INSL6: variants seen among roughly 807,000 people sequenced by gnomAD.
INSL6 encodes insulin-like peptide INSL6.
Under a neutral mutation model 9.4 loss-of-function variants are expected in INSL6, and 16 were observed. The observed-to-expected ratio is 1.70, with a 90% CI of 1.15 to 2.59. The LOEUF is 2.59. INSL6 is among the 30% of genes most tolerant of loss of function. The pLI, the probability that INSL6 is intolerant of heterozygous loss-of-function variation, is 0.00. For synonymous variants in INSL6, 154 were observed against 96.9 expected (o/e 1.59, Z -3.46); for missense variants, 391 against 257.3 (o/e 1.52, Z -3.56).
chr9:5,046,548 A>C, the INSL6 span, among the ~76,000 whole-genome samples: 97,201 of 151,954 alleles, frequency 0.64, 33,146 homozygotes, highest in African/African-American at 0.89. Context: ...ACATTTAGGC[A>C]TTGGGTCCAT....
intron 2 of INSL6, among the ~76,000 whole-genome samples, chr9:5,138,322 G>A (rs1027429963): frequency 5.3e-5 from 8 of 152,132 alleles, no homozygotes; most frequent in Non-Finnish European, 1.2e-4. Flanking sequence ...GCAAAGACTT[G>A]GAACCAACCC....
the INSL6 span, among the ~76,000 whole-genome samples, chr9:5,064,020 T>A: frequency 1.3e-5 from 2 of 151,928 alleles, no homozygotes; most frequent in South Asian, 2.1e-4. Context: ...GCCGGGCGTC[T>A]TGGCGTGTGC....
At chr9:5,065,762 T>C in the INSL6 span, among the ~76,000 whole-genome samples, 1 of 152,196 alleles carries the variant, frequency 6.6e-6, no homozygotes, top group Non-Finnish European at 1.5e-5. Flanking sequence ...ATGTGGTTTA[T>C]GTTGACAACA....
intron 1 of INSL6, among the ~76,000 whole-genome samples, chr9:5,174,300 T>C (rs1472754193): frequency 6.6e-6 from 1 of 152,200 alleles, no homozygotes; most frequent in African/African-American, 2.4e-5. Context: ...TTTCTATATT[T>C]ACTAATTTGT....
At chr9:5,128,227 C>G (rs563703488) in intron 3 of INSL6, 5 of 230,496 alleles carry the variant, frequency 2.2e-5, no homozygotes, top group South Asian at 1.8e-4. Flanking sequence ...GTACTGAAGA[C>G]TTCTGATTTT....
downstream of INSL6, among the ~76,000 whole-genome samples, chr9:5,159,175 T>C (rs1824873197): frequency 6.6e-6 from 1 of 151,710 alleles, no homozygotes; most frequent in African/African-American, 2.4e-5. Context: ...GAAATAAAAA[T>C]ATACCAACCA....
At chr9:5,088,934 G>T in the INSL6 span, among the ~76,000 whole-genome samples, 2 of 152,124 alleles carry the variant, frequency 1.3e-5, no homozygotes, top group African/African-American at 4.8e-5. Flanking sequence ...TATAAATTTT[G>T]GGTAAGGGGT....
At chr9:4,999,202 T>A in the INSL6 span, among the ~76,000 whole-genome samples, 1 of 152,208 alleles carries the variant, frequency 6.6e-6, no homozygotes, top group Non-Finnish European at 1.5e-5. Flanking sequence ...TACATTTGAC[T>A]TCGGTAGCCC....
At chr9:5,177,628 T>A (rs957359108) in intron 1 of INSL6, among the ~76,000 whole-genome samples, 1 of 152,222 alleles carries the variant, frequency 6.6e-6, no homozygotes, top group Non-Finnish European at 1.5e-5. Context: ...GTTCTGCACG[T>A]CCCACTTCCA....
chr9:5,050,153 T>C, the INSL6 span, among the ~76,000 whole-genome samples: 1 of 152,222 alleles, frequency 6.6e-6, no homozygotes, highest in Non-Finnish European at 1.5e-5. Flanking sequence ...AATTTGAAGA[T>C]ATATTTAATG....
the INSL6 span, among the ~76,000 whole-genome samples, chr9:5,062,706 T>C: frequency 6.6e-6 from 1 of 152,046 alleles, no homozygotes; most frequent in Non-Finnish European, 1.5e-5. Context: ...TGTACACCTG[T>C]TTTCTTGTAT....
At chr9:5,055,476 T>G in the INSL6 span, among the ~76,000 whole-genome samples, 4 of 152,014 alleles carry the variant, frequency 2.6e-5, no homozygotes, top group East Asian at 7.7e-4. Flanking sequence ...ATGCCCTCAT[T>G]TTTAAGTCAA....
intron 3 of INSL6, chr9:5,125,828 AT>A (rs559811618): frequency 2.0e-4 from 29 of 141,466 alleles, no homozygotes; most frequent in African/African-American, 5.2e-4. Flanking sequence ...TATATTTGTA[AT>A]TTTTTTTCCC....
the INSL6 span, chr9:5,081,920 G>C: frequency 2.1e-5 from 29 of 1,398,798 alleles, no homozygotes; most frequent in Admixed American, 3.7e-5. Context: ...AAAAACTTAA[G>C]AGCGTTTCTA....
At chr9:5,087,130 TTC>T in the INSL6 span, among the ~76,000 whole-genome samples, 1 of 152,234 alleles carries the variant, frequency 6.6e-6, no homozygotes, top group Non-Finnish European at 1.5e-5. Context: ...TATTAGTCTG[TTC>T]TCACGCTGCA....
At chr9:5,000,782 T>C in the INSL6 span, among the ~76,000 whole-genome samples, 3 of 152,226 alleles carry the variant, frequency 2.0e-5, no homozygotes, top group South Asian at 6.2e-4. Flanking sequence ...GATATATTTG[T>C]ATATGTATTA....
At chr9:5,143,888 G>A (rs543939034) in intron 2 of INSL6, among the ~76,000 whole-genome samples, 4 of 151,558 alleles carry the variant, frequency 2.6e-5, no homozygotes, top group Non-Finnish European at 5.9e-5. Flanking sequence ...TCGAACTCCT[G>A]ACCTCAGGTA....
At chr9:5,036,982 C>A in the INSL6 span, among the ~76,000 whole-genome samples, 2 of 152,280 alleles carry the variant, frequency 1.3e-5, no homozygotes, top group Non-Finnish European at 2.9e-5. Flanking sequence ...GGGCTAATAT[C>A]CAGAATATAC....
chr9:5,134,492 T>A (rs1013915731), intron 2 of INSL6, among the ~76,000 whole-genome samples: 1 of 152,204 alleles, frequency 6.6e-6, no homozygotes, highest in Non-Finnish European at 1.5e-5. Flanking sequence ...ACAGCGGATC[T>A]CTCTGCAGAA....
Sources: gnomAD v4.1 joint callset for allele counts (sites outside exome capture counted in the v4.1 genomes callset) on GRCh38, gnomAD v4.1.1 for gene constraint, MANE v1.5 for transcripts, NCBI Gene and HGNC (gene_info 2026-07-23, HGNC 2026-07-21) for gene names.